ABCB7: variants seen among roughly 807,000 people sequenced by gnomAD.
ABCB7 encodes ATP binding cassette subfamily B member 7.
ABCB7 carries 7 observed loss-of-function variants against 54.4 expected under a neutral mutation model. That is an observed-to-expected ratio of 0.13 (90% CI 0.07 to 0.24). The LOEUF (loss-of-function observed/expected upper bound fraction) is 0.24, where lower values mean the gene tolerates loss of function less well. ABCB7 is among the 10% of genes least tolerant of loss of function. The pLI, the probability that ABCB7 is intolerant of heterozygous loss-of-function variation, is 1.00. For missense variants in ABCB7, 356 were observed against 570.4 expected (o/e 0.62, Z 3.83); for synonymous variants, 218 against 207.1 (o/e 1.05, Z -0.45).
Position 75,156,154 on chromosome X carries a change from T to A in ABCB7, c.119A>T (p.Gln40Leu). Residue 40 changes from glutamine (Q) to leucine (L), a missense_variant, in exon 1 of 16, where the codon CAG (glutamine) becomes CTG (leucine). This residue lies in a region of ABCB7 where 115 missense variants were observed against 99.5 expected (regional missense o/e 1.16). Coordinates refer to ENST00000373394, the MANE Select transcript of ABCB7 (RefSeq NM_001271696.3). Reference protein sequence around the residue: ...PLVSVSGSGPQWRPHQLGALG... With the variant: ...PLVSVSGSGPLWRPHQLGALG... The stretch of plus-strand genomic sequence containing the variant: ...GGCGCCGAGTTGATGTGGCCTCCAC[T>A]GCGGACCTGAGCCGCTAACAGAGAC... 8.3e-7 allele frequency: 1 copy of A among 1,208,904 alleles called. No homozygotes were observed. Among genetic ancestry groups the A allele is most frequent in the Non-Finnish European group, 1.1e-6 (1 of 894,150 alleles).
chrX:75,065,422 A>C (rs2081310993), intron 12 of ABCB7, among the ~76,000 whole-genome samples, 181 bp from the exon 13 acceptor site: 1 of 111,381 alleles, frequency 9.0e-6, no homozygotes, highest in Non-Finnish European at 1.9e-5. Flanking sequence ...CATCATAAAC[A>C]ATTTAGTGTG....
At chrX:75,129,865 C>G (rs1043549988) in intron 1 of ABCB7, among the ~76,000 whole-genome samples, 2 of 111,120 alleles carry the variant, frequency 1.8e-5, no homozygotes, top group Non-Finnish European at 3.8e-5. Flanking sequence ...CAGTGGCTAC[C>G]ACTCACTGAG....
At chrX:75,056,570 C>T (rs954451441) in intron 15 of ABCB7, among the ~76,000 whole-genome samples, 1 of 111,649 alleles carries the variant, frequency 9.0e-6, no homozygotes, top group African/African-American at 3.3e-5. Flanking sequence ...GTCTTGGCTC[C>T]TTTTAGTGAG....
At chrX:75,104,335 G>A (rs372949353) in intron 3 of ABCB7, among the ~76,000 whole-genome samples, 3 of 108,272 alleles carry the variant, frequency 2.8e-5, no homozygotes, top group Non-Finnish European at 5.8e-5. Flanking sequence ...ATTCAAATAC[G>A]TGTAATCAGA....
At chrX:75,143,739 G>A (rs1423251862) in intron 1 of ABCB7, among the ~76,000 whole-genome samples, 1 of 110,866 alleles carries the variant, frequency 9.0e-6, no homozygotes, top group Non-Finnish European at 1.9e-5. Flanking sequence ...AAGAGAGCTT[G>A]TGTAGGGATA....
At chrX:75,143,296 A>T (rs1282941065) in intron 1 of ABCB7, among the ~76,000 whole-genome samples, 1 of 111,874 alleles carries the variant, frequency 8.9e-6, no homozygotes, top group African/African-American at 3.2e-5. Flanking sequence ...TTGCTAAAAC[A>T]TACCAAGAGT....
chrX:75,118,351 C>A (rs988817611), intron 1 of ABCB7, among the ~76,000 whole-genome samples: 3 of 109,946 alleles, frequency 2.7e-5, no homozygotes, highest in Admixed American at 9.7e-5. Flanking sequence ...GTTTAAAAGC[C>A]AGAAATATCA....
intron 1 of ABCB7, among the ~76,000 whole-genome samples, chrX:75,152,241 T>C (rs1285024616): frequency 8.9e-6 from 1 of 112,279 alleles, no homozygotes; most frequent in South Asian, 3.7e-4. Flanking sequence ...TAATCACCAA[T>C]GTGATGGTAT....
At chrX:75,072,241 T>C (rs2081368705) in intron 8 of ABCB7, among the ~76,000 whole-genome samples, 1 of 111,088 alleles carries the variant, frequency 9.0e-6, no homozygotes, top group Non-Finnish European at 1.9e-5. Flanking sequence ...TAGAAGAGAG[T>C]CAAGAATTTA....
chrX:75,053,462 T>C lies in ABCB7; in HGVS notation c.2167A>G (p.Lys723Glu), dbSNP rs1276571429. ...TCCTCTTTGGATATATTTTCTTTCTTTGCTTCCCATTTGGGGTTATCATGG... is the reference window on the plus strand; with the variant it reads ...TCCTCTTTGGATATATTTTCTTTCTCTGCTTCCCATTTGGGGTTATCATGG... ...QNHDNPKWEAKKENISKEEER... is the reference protein window; with the variant it reads ...QNHDNPKWEAEKENISKEEER... The change falls in exon 16 of 16, where the codon AAG becomes GAG. Residue 723 changes from lysine to glutamate, a missense_variant. Lys to Glu is a moderately conservative substitution (Grantham distance 56). This residue lies in a region of ABCB7 where 241 missense variants were observed against 470.9 expected (regional missense o/e 0.51). Transcript: ENST00000373394. 8 of 1,211,236 alleles carry C rather than the reference T, an allele frequency of 6.6e-6. No homozygotes were observed. Among genetic ancestry groups the C allele is most frequent in the Non-Finnish European group, 8.9e-6 (8 of 895,025 alleles).
At chrX:75,141,766 A>G (rs1056469461) in intron 1 of ABCB7, among the ~76,000 whole-genome samples, 2 of 111,108 alleles carry the variant, frequency 1.8e-5, no homozygotes, top group Non-Finnish European at 3.8e-5. Context: ...ATTCTGACAA[A>G]CCGCCCTCCA....
rs139554228 is a variant in ABCB7, at chrX:75,072,561, A to C, written c.1033-878T>G. On this transcript the variant is annotated intron_variant, in intron 8 of 15. Transcript: ENST00000373394. Reference sequence around the variant, plus strand: ...CACAGAAAAGGTACAGTAAAAATATAGTAAAGAAGATTTGCAGTGGTATAT... The same window carrying C: ...CACAGAAAAGGTACAGTAAAAATATCGTAAAGAAGATTTGCAGTGGTATAT... Among the ~76,000 whole-genome samples, 510 of 111,659 alleles carry C rather than the reference A, an allele frequency of 4.6e-3. 4 individuals are homozygous for C. The highest frequency in any genetic ancestry group is 0.016 in the African/African-American group (486 of 30,769).
At chrX:75,081,817 G>C (rs2081457852) in intron 4 of ABCB7, among the ~76,000 whole-genome samples, 2 of 110,842 alleles carry the variant, frequency 1.8e-5, no homozygotes, top group Non-Finnish European at 3.8e-5. Flanking sequence ...GTATACAAGA[G>C]TCTTAGCAAC....
intron 4 of ABCB7, among the ~76,000 whole-genome samples, chrX:75,092,637 C>G (rs1189001546): frequency 9.0e-6 from 1 of 111,433 alleles, no homozygotes; most frequent in Admixed American, 9.5e-5. Context: ...AAGCCACAGA[C>G]TGAGACAAAG....
rs1359981618 is a variant in ABCB7 at position 75,075,647 on chromosome X, A to G, written c.587-17T>C. ...ATACACCATCTAACAATACATTCAA[A>G]AGAAAAAATAGGATGTAACAATATT... On this transcript the variant is annotated splice_polypyrimidine_tract_variant and intron_variant, in intron 5 of 15. Coordinates refer to ENST00000373394, the MANE Select transcript of ABCB7 (RefSeq NM_001271696.3). 8.4e-7 allele frequency: 1 copy of G among 1,193,288 alleles called. No individual in the cohort carries two copies. Among genetic ancestry groups the G allele is most frequent in the East Asian group, 3.0e-5 (1 of 33,624 alleles).
At position 75,120,093 on chromosome X, in the gene ABCB7, CT is replaced by C. The variant is rs1368080880; in HGVS notation, c.169-5263del. Among the ~76,000 whole-genome samples the C allele has an allele frequency of 2.1e-4, 24 of 111,774 alleles. No individual in the cohort carries two copies. The Admixed American group carries it at 2.3e-3, about 11-fold the overall frequency. ...TGAACTAATACAAGACTGAAGTAAT[CT>C]TTTTTACTTTGCTTAAAATGCTGCT... On this transcript the variant is annotated intron_variant, in intron 1 of 15. Coordinates refer to ENST00000373394, the MANE Select transcript of ABCB7 (RefSeq NM_001271696.3).
Position 75,075,599 on chromosome X carries a change from A to T in ABCB7, c.618T>A (p.Phe206Leu). 1 of 1,209,420 alleles carries T rather than the reference A, an allele frequency of 8.3e-7. No individual in the cohort carries two copies. The highest frequency in any genetic ancestry group is 1.7e-5 in the African/African-American group (1 of 57,795). The change falls in exon 6 of 16, where the codon TTT (phenylalanine) becomes TTA (leucine). Residue 206 changes from phenylalanine to leucine, a missense_variant. By Grantham distance (22) the Phe-to-Leu change is conservative. Coordinates refer to ENST00000373394, the MANE Select transcript of ABCB7 (RefSeq NM_001271696.3). ...CAAATACTGCATTTCGAACTTCGTTAAAAAAAGCAGCTCCAGCTCTTGATA... is the reference window on the plus strand; with the variant it reads ...CAAATACTGCATTTCGAACTTCGTTTAAAAAAGCAGCTCCAGCTCTTGATA... ...YGVSRAGAAF[F>L]NEVRNAVFGK...
chrX:75,126,036 C>G (rs748810131), intron 1 of ABCB7, among the ~76,000 whole-genome samples: 29 of 111,456 alleles, frequency 2.6e-4, no homozygotes, highest in Non-Finnish European at 5.3e-4. Flanking sequence ...CTTGTTTTCA[C>G]AAAATGCCAG....
chrX:75,122,861 G>GGGGTGTGTGTGTGTGTGTGT (rs1555954494), intron 1 of ABCB7, among the ~76,000 whole-genome samples: 1 of 93,152 alleles, frequency 1.1e-5, no homozygotes, highest in East Asian at 4.2e-4. Context: ...TTAAAATTGG[G>GGGGTGTGTGTGTGTGTGTGT]GTGTGTGTGT....
Sources: allele counts gnomAD v4.1 joint callset (sites outside exome capture counted in the v4.1 genomes callset), GRCh38; gene constraint gnomAD v4.1.1; regional missense constraint gnomAD v4.1.1; transcripts MANE v1.5; gene names NCBI Gene and HGNC (gene_info 2026-07-23, HGNC 2026-07-21).